The following CNTNAP2 variants were observed in gnomAD, a reference collection of about 807,000 sequenced individuals.
The protein encoded by CNTNAP2 is contactin-associated protein-like 2.
Under a neutral mutation model 155.2 loss-of-function variants are expected in CNTNAP2, and 98 were observed. That is an observed-to-expected ratio of 0.63 (90% CI 0.54 to 0.75). The LOEUF (loss-of-function observed/expected upper bound fraction) is 0.75, where lower values mean the gene tolerates loss of function less well. Among genes scored for constraint, CNTNAP2 ranks in the 30% least tolerant of loss-of-function variants. CNTNAP2 has a pLI of 0.00. For missense variants in CNTNAP2, 1,727 were observed against 1,688.1 expected, an observed-to-expected ratio of 1.02 and a Z score of -0.40; for synonymous variants, 651 against 631.2, an observed-to-expected ratio of 1.03 and a Z score of -0.47.
At chr7:147,767,948 A>C (rs1261737932) in intron 13 of CNTNAP2, among the ~76,000 whole-genome samples, 1 of 152,130 alleles carries the variant, frequency 6.6e-6, no homozygotes, top group Non-Finnish European at 1.5e-5. Context: ...GTCCATAAAC[A>C]GAATGGAATA....
At chr7:146,502,361 A>G (rs998690424) in intron 1 of CNTNAP2, among the ~76,000 whole-genome samples, 2 of 150,958 alleles carry the variant, frequency 1.3e-5, no homozygotes, top group African/African-American at 4.9e-5. Context: ...GAGTTCAGGT[A>G]TCTCTTTGAT....
chr7:147,245,761 CAAAA>C (rs34304342), intron 8 of CNTNAP2, among the ~76,000 whole-genome samples: 1,032 of 85,226 alleles, frequency 0.012, 13 homozygotes, highest in African/African-American at 0.044. Flanking sequence ...GACTCTGTCT[CAAAA>C]AAAAAAAAAA....
In CNTNAP2 at chr7:146,891,488, G is replaced by A. The variant is rs904015430; in HGVS notation, c.402+51584G>A. On this transcript the variant is annotated intron_variant, in intron 3 of 23. Coordinates refer to ENST00000361727, the MANE Select transcript of CNTNAP2 (RefSeq NM_014141.6). Reference sequence around the variant, plus strand: ...TTAGCTGAAAATATGTAATGTTTTAGGTGAAAAAAGTCAGAAGTTATGCAA... The same window carrying A: ...TTAGCTGAAAATATGTAATGTTTTAAGTGAAAAAAGTCAGAAGTTATGCAA... Among the ~76,000 whole-genome samples, 3 of 152,238 alleles carry A rather than the reference G, an allele frequency of 2.0e-5. No individual in the cohort carries two copies. In the East Asian group the frequency reaches 5.8e-4, roughly 29 times the overall value.
chr7:147,940,932 C>G (rs552799154), intron 14 of CNTNAP2, among the ~76,000 whole-genome samples: 1 of 152,296 alleles, frequency 6.6e-6, no homozygotes, highest in East Asian at 1.9e-4. Flanking sequence ...TTTGAAGCAA[C>G]TAGTATAAAA....
At chr7:147,382,171 A>G (rs1228171963) in intron 9 of CNTNAP2, among the ~76,000 whole-genome samples, 1 of 152,180 alleles carries the variant, frequency 6.6e-6, no homozygotes, top group Non-Finnish European at 1.5e-5. Flanking sequence ...AGGGAAAAAA[A>G]AGATCCTGGG....
At chr7:147,778,259 T>G (rs992373521) in intron 13 of CNTNAP2, among the ~76,000 whole-genome samples, 14 of 152,354 alleles carry the variant, frequency 9.2e-5, no homozygotes, top group Non-Finnish European at 1.9e-4. Flanking sequence ...AGAGACACTG[T>G]AATATTTTTC....
intron 1 of CNTNAP2, among the ~76,000 whole-genome samples, chr7:146,719,169 T>A (rs1183604664): frequency 6.6e-6 from 1 of 152,214 alleles, no homozygotes; most frequent in East Asian, 1.9e-4. Flanking sequence ...TTCTTGCACC[T>A]GATTTGGAAT....
intron 1 of CNTNAP2, among the ~76,000 whole-genome samples, chr7:146,290,442 T>C (rs1299770783): frequency 6.6e-6 from 1 of 152,218 alleles, no homozygotes; most frequent in African/African-American, 2.4e-5. Flanking sequence ...GCTGGTTCTT[T>C]AAGAAGCTTA....
At chr7:147,404,861 T>A (rs1796979441) in intron 10 of CNTNAP2, among the ~76,000 whole-genome samples, 1 of 152,228 alleles carries the variant, frequency 6.6e-6, no homozygotes, top group Admixed American at 6.5e-5. Flanking sequence ...CAAAGTGATT[T>A]TATTTTAAGT....
chr7:146,842,749 G>A (rs149189765), intron 3 of CNTNAP2, among the ~76,000 whole-genome samples: 3,568 of 151,782 alleles, frequency 0.024, 145 homozygotes, highest in African/African-American at 0.081. Context: ...GCAGTGACGC[G>A]ATCTCGGCTC....
intron 1 of CNTNAP2, among the ~76,000 whole-genome samples, chr7:146,549,995 T>G (rs1319846241): frequency 1.3e-5 from 2 of 152,012 alleles, no homozygotes; most frequent in Non-Finnish European, 2.9e-5. Context: ...TTCAATGAAT[T>G]TGATCCACAT....
At chr7:146,243,997 T>C (rs1339296525) in intron 1 of CNTNAP2, among the ~76,000 whole-genome samples, 1 of 151,764 alleles carries the variant, frequency 6.6e-6, no homozygotes, top group African/African-American at 2.4e-5. Context: ...GAAGGAAGAT[T>C]TTGTGGTAAG....
chr7:146,829,636 C>A (rs1322010201), intron 2 of CNTNAP2, among the ~76,000 whole-genome samples: 1 of 151,896 alleles, frequency 6.6e-6, no homozygotes, highest in Non-Finnish European at 1.5e-5. Context: ...AATCTGTAGA[C>A]ATAAAAGCAC....
intron 11 of CNTNAP2, among the ~76,000 whole-genome samples, chr7:147,559,863 CT>C (rs1244045192): frequency 3.7e-5 from 4 of 109,556 alleles, no homozygotes; most frequent in African/African-American, 1.1e-4. Flanking sequence ...TCTTGCCGAT[CT>C]TAAAAAAAAA....
chr7:147,817,904 CA>C (rs56695268), intron 13 of CNTNAP2, among the ~76,000 whole-genome samples: 24,230 of 95,382 alleles, frequency 0.25, 1,854 homozygotes, highest in Middle Eastern at 0.37. Context: ...GACTCTGTCT[CA>C]AAAAAAAAAA....
intron 17 of CNTNAP2, among the ~76,000 whole-genome samples, chr7:148,150,102 C>CAAAAAAAA (rs71188948): frequency 2.4e-5 from 2 of 84,546 alleles, no homozygotes; most frequent in Non-Finnish European, 2.5e-5. Flanking sequence ...GGGGTTGTTA[C>CAAAAAAAA]AAAAAAAAAA....
At chr7:146,740,705 A>G (rs1563211891) in intron 1 of CNTNAP2, among the ~76,000 whole-genome samples, 1 of 152,218 alleles carries the variant, frequency 6.6e-6, no homozygotes, top group Non-Finnish European at 1.5e-5. Context: ...ATGCTGGGGC[A>G]TGCCAGAATC....
chr7:147,020,187 A>G (rs1017679153), intron 3 of CNTNAP2, among the ~76,000 whole-genome samples: 14 of 152,150 alleles, frequency 9.2e-5, no homozygotes, highest in African/African-American at 3.4e-4. Flanking sequence ...ATGAGCTATT[A>G]CACTTGATGC....
intron 13 of CNTNAP2, among the ~76,000 whole-genome samples, chr7:147,797,628 C>A (rs978456259): frequency 3.9e-5 from 6 of 152,026 alleles, no homozygotes; most frequent in African/African-American, 1.4e-4. Flanking sequence ...ACTCTTGGAG[C>A]TCTGGATAGT....
Sources: allele counts gnomAD v4.1 joint callset (sites outside exome capture counted in the v4.1 genomes callset), GRCh38; gene constraint gnomAD v4.1.1; transcripts MANE v1.5; gene names NCBI Gene and HGNC (gene_info 2026-07-23, HGNC 2026-07-21).